Variants in ROCK1 observed in about 807,000 individuals in gnomAD.
ROCK1 encodes rho-associated protein kinase 1.
Under a neutral mutation model 196.8 loss-of-function variants are expected in ROCK1, and 36 were observed. That is an observed-to-expected ratio of 0.18 (90% CI 0.14 to 0.24). The LOEUF (loss-of-function observed/expected upper bound fraction) is 0.24, where lower values mean the gene tolerates loss of function less well. Ranked by LOEUF, ROCK1 falls within the 10% of genes least tolerant of loss-of-function variation. The pLI is 1.00. For missense variants in ROCK1, 920 were observed against 1,562.0 expected (o/e 0.59, Z 6.93); for synonymous variants, 443 against 515.9 (o/e 0.86, Z 1.91).
chr18:21,046,951 TG>T (rs2036166071), intron 4 of ROCK1, among the ~76,000 whole-genome samples: 1 of 152,132 alleles, frequency 6.6e-6, no homozygotes, highest in Admixed American at 6.5e-5. Flanking sequence ...ATTACAAGCA[TG>T]GGGGCCACCA....
chr18:21,009,486 G>A (rs2035798394), intron 13 of ROCK1, among the ~76,000 whole-genome samples: 1 of 151,978 alleles, frequency 6.6e-6, no homozygotes, highest in South Asian at 2.1e-4. Context: ...TCAGTTTTTG[G>A]CTATTACAAA....
chr18:20,970,276 C>T, intron 23 of ROCK1, 72 bp downstream of exon 23: 1 of 1,170,504 alleles, frequency 8.5e-7, no homozygotes, highest in Non-Finnish European at 1.2e-6. Flanking sequence ...ACACACTTAC[C>T]CTAATATTTT....
At chr18:21,061,333 G>A (rs1376937852) in intron 2 of ROCK1, among the ~76,000 whole-genome samples, 1 of 152,122 alleles carries the variant, frequency 6.6e-6, no homozygotes, top group African/African-American at 2.4e-5. Context: ...GCCCGCTTCA[G>A]CCTCCCAAGG....
intron 16 of ROCK1, among the ~76,000 whole-genome samples, chr18:21,001,024 A>G (rs2035719181): frequency 6.6e-6 from 1 of 152,232 alleles, no homozygotes; most frequent in African/African-American, 2.4e-5. Context: ...ATATTCTGTT[A>G]TATGTATATC....
chr18:21,026,936 TTTC>T (rs2035962983), intron 10 of ROCK1, among the ~76,000 whole-genome samples: 2 of 151,144 alleles, frequency 1.3e-5, no homozygotes, highest in South Asian at 4.2e-4. Context: ...TTTCTTTTTC[TTTC>T]TTTTTTTTTT....
rs374052961 is a variant in ROCK1, at chr18:21,028,779, C to T, written c.1208G>A (p.Arg403His). 217 of 1,604,058 alleles carry T rather than the reference C, an allele frequency of 1.4e-4. No individual in the cohort carries two copies. Among genetic ancestry groups the T allele is most frequent in the Non-Finnish European group, 1.7e-4 (197 of 1,177,334 alleles). Residue 403 changes from arginine to histidine, a missense_variant, in exon 10 of 33, where the codon CGT becomes CAT. Transcript: ENST00000399799. ...PFVGFTYYSN[R>H]RYLSSANPND... ...AATCACTGTTTAGCATACTTACCTA[C>T]GATTGCTATAATATGTAAATCCTAC...
intron 22 of ROCK1, among the ~76,000 whole-genome samples, chr18:20,979,478 G>A (rs143735030): frequency 0.01 from 1,581 of 151,846 alleles, 19 homozygotes; most frequent in African/African-American, 0.035. Context: ...AAAAATTAGC[G>A]GAGCGTGGTG....
intron 16 of ROCK1, among the ~76,000 whole-genome samples, chr18:20,997,458 T>C (rs185383428): frequency 1.3e-4 from 20 of 152,188 alleles, no homozygotes; most frequent in Admixed American, 2.6e-4. Context: ...CAATTGTAAA[T>C]ACAGATGCAC....
intron 22 of ROCK1, among the ~76,000 whole-genome samples, chr18:20,975,862 C>T (rs779640871): frequency 2.0e-5 from 3 of 152,194 alleles, no homozygotes; most frequent in Non-Finnish European, 4.4e-5. Flanking sequence ...CCGCCTGCCT[C>T]GGCCTCCCAA....
In ROCK1 at chr18:21,018,704, A is replaced by G. The variant is rs533701956; in HGVS notation, c.1361+1447T>C. Among the ~76,000 whole-genome samples the G allele has an allele frequency of 4.6e-5, 7 of 152,278 alleles. No individual in the cohort carries two copies. The East Asian group carries it at 9.6e-4, about 21-fold the overall frequency. On this transcript the variant is annotated intron_variant, in intron 12 of 32. Coordinates refer to ENST00000399799, the MANE Select transcript of ROCK1 (RefSeq NM_005406.3). ...CCTTTTTAAAAGAAATTTGTATTAT[A>G]CACTTAACCACATAATCTATCAGGA...
chr18:20,970,340 A>T lies in ROCK1; in HGVS notation c.2820+8T>A, dbSNP rs1345716203. 6.2e-7 allele frequency: 1 copy of T among 1,609,276 alleles called. No homozygotes were observed. Among genetic ancestry groups the T allele is most frequent in the Non-Finnish European group, 8.5e-7 (1 of 1,176,348 alleles). ...ATTTTATATAACTTACCTGACTATC[A>T]CACTTACCCGACTAACAGTGTGATC... On this transcript the variant is annotated splice_region_variant and intron_variant, in intron 23 of 32. Coordinates refer to ENST00000399799, the MANE Select transcript of ROCK1 (RefSeq NM_005406.3).
chr18:20,998,382 A>G (rs1311054890), intron 16 of ROCK1, among the ~76,000 whole-genome samples: 1 of 152,170 alleles, frequency 6.6e-6, no homozygotes, highest in Non-Finnish European at 1.5e-5. Context: ...GATACATCTT[A>G]AAGAACTAGA....
chr18:21,018,717 T>A (rs1267388432), intron 12 of ROCK1, among the ~76,000 whole-genome samples: 1 of 152,160 alleles, frequency 6.6e-6, no homozygotes, highest in Non-Finnish European at 1.5e-5. Flanking sequence ...CTTAACCACA[T>A]AATCTATCAG....
chr18:21,054,725 C>T (rs1282005774), intron 2 of ROCK1, among the ~76,000 whole-genome samples: 1 of 152,080 alleles, frequency 6.6e-6, no homozygotes, highest in Non-Finnish European at 1.5e-5. Flanking sequence ...CTTTAATATA[C>T]CCACAGATAA....
At chr18:20,982,613 T>C in intron 21 of ROCK1, 150 bp downstream of exon 21, 1 of 516,644 alleles carries the variant, frequency 1.9e-6, no homozygotes, top group Non-Finnish European at 3.4e-6. Flanking sequence ...AAGAAACAAA[T>C]GGACAAACAA....
chr18:21,025,970 C>T (rs921285486), intron 10 of ROCK1, among the ~76,000 whole-genome samples: 2 of 151,992 alleles, frequency 1.3e-5, no homozygotes, highest in African/African-American at 2.4e-5. Flanking sequence ...TAATGTAGGA[C>T]AAATAGTATA....
intron 12 of ROCK1, among the ~76,000 whole-genome samples, chr18:21,016,355 G>A (rs1296355540): frequency 6.6e-6 from 1 of 152,062 alleles, no homozygotes; most frequent in Non-Finnish European, 1.5e-5. Context: ...TGGATTTCAG[G>A]TTAAGGATCC....
intron 1 of ROCK1, among the ~76,000 whole-genome samples, chr18:21,086,205 A>G (rs1036981876): frequency 1.3e-5 from 2 of 149,474 alleles, no homozygotes; most frequent in African/African-American, 4.9e-5. Flanking sequence ...TCCACCTCCC[A>G]GGTTCAAGCT....
chr18:21,041,572 C>T lies in ROCK1; in HGVS notation c.959+525G>A, dbSNP rs185679841. 1.8e-4 allele frequency among the ~76,000 whole-genome samples: 28 copies of T among 152,004 alleles called. No individual in the cohort carries two copies. In the East Asian group the frequency reaches 4.5e-3, roughly 24 times the overall value. On this transcript the variant is annotated intron_variant, in intron 8 of 32. Coordinates refer to ENST00000399799, the MANE Select transcript of ROCK1 (RefSeq NM_005406.3). ...CTTGTTGGATCTACAAGATGGAACA[C>T]CAACTATTATGTCTAGAAGAAAAAA... is the stretch of plus-strand genomic sequence containing the variant.
Sources: allele counts gnomAD v4.1 joint callset (sites outside exome capture counted in the v4.1 genomes callset), GRCh38; gene constraint gnomAD v4.1.1; transcripts MANE v1.5; gene names NCBI Gene and HGNC (gene_info 2026-07-23, HGNC 2026-07-21).